DLGAP4: variants seen among roughly 807,000 people sequenced by gnomAD.
The protein encoded by DLGAP4 is DLG associated protein 4, also known as disks large-associated protein 4.
In DLGAP4, 18 loss-of-function variants were observed where a neutral mutation model predicts 86.9. That is an observed-to-expected ratio of 0.21 (90% CI 0.14 to 0.31). The LOEUF is 0.31. Ranked by LOEUF, DLGAP4 falls within the 10% of genes least tolerant of loss-of-function variation. The pLI is 1.00. For synonymous variants in DLGAP4, 548 were observed against 574.3 expected, an observed-to-expected ratio of 0.95 and a Z score of 0.65; for missense variants, 1,085 against 1,362.6, an observed-to-expected ratio of 0.80 and a Z score of 3.21.
At chr20:36,349,310 CG>C (rs1175155601) in intron 1 of DLGAP4, among the ~76,000 whole-genome samples, 2 of 147,450 alleles carry the variant, frequency 1.4e-5, no homozygotes, top group African/African-American at 5.1e-5. Flanking sequence ...CCCAGCTACT[CG>C]GGAGGCTGAG....
At chr20:36,445,647 G>A (rs2062221842) in intron 6 of DLGAP4, among the ~76,000 whole-genome samples, 1 of 152,186 alleles carries the variant, frequency 6.6e-6, no homozygotes, top group African/African-American at 2.4e-5. Context: ...CTGACCCAGA[G>A]AAGATAGTGA....
chr20:36,440,013 C>T lies in DLGAP4; in HGVS notation c.1356+145C>T, dbSNP rs116155884. On this transcript the variant is annotated intron_variant, in intron 5 of 12. Coordinates refer to ENST00000339266, the MANE Select transcript of DLGAP4 (RefSeq NM_001365621.2). ...TCTGTTTGGTCCTTGTTCCTGAAGC[C>T]TCCTGTGTGTGTCTCTGCCCCACCA... The T allele has an allele frequency of 2.1e-3, 1,519 of 715,110 alleles. 17 individuals are homozygous for T. The African/African-American group carries it at 0.024, about 11-fold the overall frequency. The allele number at this position is 715,110 out of a possible 1,614,324, so 44.3% of individuals were successfully genotyped here.
In DLGAP4 at chr20:36,490,240, C is replaced by T. The variant is rs190642940; in HGVS notation, c.1649-6465C>T. Among the ~76,000 whole-genome samples the T allele has an allele frequency of 5.9e-5, 9 of 152,238 alleles. No homozygotes were observed. The East Asian group carries it at 1.5e-3, about 26-fold the overall frequency. On this transcript the variant is annotated intron_variant, in intron 7 of 12. Coordinates refer to ENST00000339266, the MANE Select transcript of DLGAP4 (RefSeq NM_001365621.2). ...GAAAGGAGAGGGTCACATGGACTGT[C>T]AACAGAGAAGTGGCTTTGAGAAGGC... is the stretch of plus-strand genomic sequence containing the variant.
chr20:36,495,784 G>A (rs763114397), intron 7 of DLGAP4, among the ~76,000 whole-genome samples: 6 of 152,218 alleles, frequency 3.9e-5, no homozygotes, highest in African/African-American at 9.6e-5. Flanking sequence ...TTCACATAAC[G>A]AGAAAGTGTT....
intron 7 of DLGAP4, among the ~76,000 whole-genome samples, chr20:36,458,560 G>A (rs1437029876): frequency 1.3e-5 from 2 of 151,612 alleles, no homozygotes; most frequent in African/African-American, 4.8e-5. Context: ...AAAGCCAGGT[G>A]TGATGGCACA....
At chr20:36,433,685 C>T (rs1326324622) in intron 3 of DLGAP4, among the ~76,000 whole-genome samples, 1 of 151,032 alleles carries the variant, frequency 6.6e-6, no homozygotes, top group African/African-American at 2.4e-5. Flanking sequence ...CAGTTTCACT[C>T]TTGTTGCCCA....
chr20:36,403,438 G>A (rs1374845093), intron 2 of DLGAP4, among the ~76,000 whole-genome samples: 1 of 152,168 alleles, frequency 6.6e-6, no homozygotes, highest in African/African-American at 2.4e-5. Context: ...TCAGACCATA[G>A]CAGAATGCAA....
intron 7 of DLGAP4, among the ~76,000 whole-genome samples, chr20:36,470,513 A>C (rs1600591176): frequency 6.6e-6 from 1 of 151,866 alleles, no homozygotes; most frequent in Admixed American, 6.6e-5. Flanking sequence ...TTGTGTGTAA[A>C]AGTTATATTT....
chr20:36,442,691 G>A (rs759676209), intron 5 of DLGAP4, 36 bp from the exon 6 acceptor site: 1 of 1,612,462 alleles, frequency 6.2e-7, no homozygotes, highest in South Asian at 1.1e-5. Context: ...CCCCAGCCCT[G>A]GTCCTTCCAT....
At position 36,436,134 on chromosome 20, in the gene DLGAP4, G is replaced by A. The variant is rs966813080; in HGVS notation, c.1025G>A (p.Ser342Asn). Reference sequence around the variant, plus strand: ...GTGCCCGGCGGCGGCGGCGAGTGGAGCACCACGCTGCTGTCCCCACGCGAG... The same window carrying A: ...GTGCCCGGCGGCGGCGGCGAGTGGAACACCACGCTGCTGTCCCCACGCGAG... ...LQVPGGGGEW[S>N]TTLLSPRETD... Residue 342 changes from serine (S) to asparagine (N), a missense_variant, in exon 4 of 13, where the codon AGC (serine) becomes AAC (asparagine). Ser to Asn is a conservative substitution (Grantham distance 46). Coordinates refer to ENST00000339266, the MANE Select transcript of DLGAP4 (RefSeq NM_001365621.2). 46 of 1,586,820 alleles carry A rather than the reference G, an allele frequency of 2.9e-5. No homozygotes were observed. The highest frequency in any genetic ancestry group is 3.7e-5 in the Non-Finnish European group (43 of 1,172,830).
At chr20:36,525,730 A>C in intron 11 of DLGAP4, 121 bp from the exon 12 acceptor site, 3 of 1,300,454 alleles carry the variant, frequency 2.3e-6, no homozygotes, top group South Asian at 1.3e-5. Context: ...CCCAGACACT[A>C]GGCCTCAAGA....
At chr20:36,440,377 C>T (rs755352143) in intron 5 of DLGAP4, among the ~76,000 whole-genome samples, 38 of 152,234 alleles carry the variant, frequency 2.5e-4, no homozygotes, top group Admixed American at 5.2e-4. Context: ...TCTTTTGTGA[C>T]CTCCAGCAAG....
intron 7 of DLGAP4, chr20:36,462,044 C>T (rs2034106613): frequency 1.0e-6 from 1 of 987,234 alleles, no homozygotes; most frequent in African/African-American, 1.7e-5. Context: ...CAAGGGCTCC[C>T]CGTGAGTTTC....
intron 10 of DLGAP4, chr20:36,511,072 C>G (rs1251279271): frequency 1.3e-5 from 2 of 152,176 alleles, no homozygotes. Context: ...TGGGGAAGAA[C>G]TGATAACTAA....
At chr20:36,434,423 A>G (rs1218428933) in intron 3 of DLGAP4, among the ~76,000 whole-genome samples, 2 of 152,220 alleles carry the variant, frequency 1.3e-5, no homozygotes, top group East Asian at 1.9e-4. Context: ...TCCTTGGTTT[A>G]GAAGCATTAG....
intron 7 of DLGAP4, among the ~76,000 whole-genome samples, chr20:36,448,098 A>G (rs2033646583): frequency 6.6e-6 from 1 of 151,820 alleles, no homozygotes; most frequent in Non-Finnish European, 1.5e-5. Flanking sequence ...GCTCACGCCT[A>G]TAATCCCAAC....
chr20:36,362,983 C>T (rs1029775709), intron 1 of DLGAP4, among the ~76,000 whole-genome samples: 3 of 152,178 alleles, frequency 2.0e-5, no homozygotes, highest in South Asian at 2.1e-4. Context: ...CATGCAGCCA[C>T]GTAACTGGCA....
intron 2 of DLGAP4, among the ~76,000 whole-genome samples, chr20:36,427,194 A>G (rs2032997996): frequency 6.6e-6 from 1 of 152,012 alleles, no homozygotes; most frequent in East Asian, 1.9e-4. Context: ...AAAGAAAGAA[A>G]GAGGCTGGGT....
chr20:36,500,513 A>C lies in DLGAP4; in HGVS notation c.2414A>C (p.Tyr805Ser). 1 of 1,591,120 alleles carries C rather than the reference A, an allele frequency of 6.3e-7. No individual in the cohort carries two copies. Among genetic ancestry groups the C allele is most frequent in the Non-Finnish European group, 8.6e-7 (1 of 1,168,706 alleles). ...CCAGGGGCCTGCCGCCGAGACGGCTACTGGTTCCTAAAGCTACTGCAGGCA... is the reference window on the plus strand; with the variant it reads ...CCAGGGGCCTGCCGCCGAGACGGCTCCTGGTTCCTAAAGCTACTGCAGGCA... ...AQPGACRRDGYWFLKLLQAET... is the reference protein window; with the variant it reads ...AQPGACRRDGSWFLKLLQAET... Residue 805 changes from tyrosine to serine, a missense_variant, in exon 10 of 13, where the codon TAC becomes TCC. Coordinates refer to ENST00000339266, the MANE Select transcript of DLGAP4 (RefSeq NM_001365621.2). This position sits in a 1 kb window ranked among gnomAD's most constrained non-coding sequence, Gnocchi z 4.6.
Sources: allele counts gnomAD v4.1 joint callset (sites outside exome capture counted in the v4.1 genomes callset), GRCh38; gene constraint gnomAD v4.1.1; non-coding constraint Gnocchi (gnomAD v3.1); transcripts MANE v1.5; gene names NCBI Gene and HGNC (gene_info 2026-07-23, HGNC 2026-07-21).